CDH18: variants seen among roughly 807,000 people sequenced by gnomAD.
CDH18 encodes the protein cadherin-18.
A neutral mutation model predicts 67.9 loss-of-function variants in CDH18; 31 were observed. The ratio of observed to expected loss-of-function variants is 0.46; its 90% CI spans 0.34 to 0.62. The LOEUF (loss-of-function observed/expected upper bound fraction) is 0.62. CDH18 is among the 20% of genes least tolerant of loss of function. CDH18 has a pLI of 0.01. For missense variants in CDH18, 890 were observed against 975.5 expected (o/e 0.91, Z 1.17); for synonymous variants, 362 against 347.2 (o/e 1.04, Z -0.48).
At chr5:20,423,946 CAA>C (rs553723574) in intron 1 of CDH18, among the ~76,000 whole-genome samples, 19 of 63,820 alleles carry the variant, frequency 3.0e-4, no homozygotes, top group African/African-American at 1.4e-3. Flanking sequence ...GACTCCGTCT[CAA>C]AAAAAAAAAA....
chr5:19,983,137 C>T (rs1042982421), intron 1 of CDH18, among the ~76,000 whole-genome samples: 6 of 151,888 alleles, frequency 4.0e-5, no homozygotes, highest in Admixed American at 2.0e-4. Flanking sequence ...AAATGGCACC[C>T]TATCTCATTT....
intron 1 of CDH18, among the ~76,000 whole-genome samples, chr5:20,292,538 C>T (rs1747179369): frequency 6.6e-6 from 1 of 152,064 alleles, no homozygotes; most frequent in East Asian, 1.9e-4. Flanking sequence ...TATTAGCTGC[C>T]ATAAAACAAG....
intron 2 of CDH18, among the ~76,000 whole-genome samples, chr5:20,055,454 T>A (rs572650029): frequency 1.1e-4 from 16 of 152,352 alleles, no homozygotes; most frequent in Admixed American, 4.6e-4. Flanking sequence ...AAGGATGTTT[T>A]TTGCCAATAG....
At chr5:20,304,151 A>T in intron 1 of CDH18, 1 of 1,567,076 alleles carries the variant, frequency 6.4e-7, no homozygotes, top group Non-Finnish European at 8.8e-7. Context: ...CTTCTCGTCA[A>T]TTGGTGGATT....
intron 2 of CDH18, among the ~76,000 whole-genome samples, chr5:20,106,068 C>T (rs191371062): frequency 2.7e-4 from 41 of 152,112 alleles, no homozygotes; most frequent in African/African-American, 9.9e-4. Flanking sequence ...CATTGTATTC[C>T]TTTGCTTCCA....
intron 1 of CDH18, among the ~76,000 whole-genome samples, chr5:20,471,083 A>AAACTT (rs201690922): frequency 6.9e-6 from 1 of 144,762 alleles, no homozygotes; most frequent in African/African-American, 2.8e-5. Flanking sequence ...TATCTCTCTT[A>AAACTT]AACTTAAAGT....
chr5:20,203,877 G>A (rs528077535), intron 2 of CDH18, among the ~76,000 whole-genome samples: 1 of 151,932 alleles, frequency 6.6e-6, no homozygotes. Context: ...AATCACAGTA[G>A]ACAAGAGTGG....
At chr5:19,969,349 T>C (rs1179343316) in intron 2 of CDH18, among the ~76,000 whole-genome samples, 2 of 147,054 alleles carry the variant, frequency 1.4e-5, no homozygotes, top group Admixed American at 6.6e-5. Flanking sequence ...ACTGGTTATA[T>C]ACCCAAAGGA....
At chr5:20,315,708 T>C (rs530642813) in intron 1 of CDH18, among the ~76,000 whole-genome samples, 12 of 152,162 alleles carry the variant, frequency 7.9e-5, no homozygotes, top group Non-Finnish European at 1.6e-4. Context: ...ACTCATCCTC[T>C]AGATCTGTAT....
At chr5:20,435,623 C>T (rs1337520245) in intron 1 of CDH18, among the ~76,000 whole-genome samples, 2 of 151,926 alleles carry the variant, frequency 1.3e-5, no homozygotes, top group East Asian at 1.9e-4. Flanking sequence ...TGGAAAATCT[C>T]GGTGTAACAA....
intron 3 of CDH18, among the ~76,000 whole-genome samples, chr5:19,783,260 C>A (rs1775336738): frequency 6.6e-6 from 1 of 152,074 alleles, no homozygotes; most frequent in Admixed American, 6.6e-5. Flanking sequence ...CTTTTCACAT[C>A]CCAGTTCCAC....
intron 1 of CDH18, among the ~76,000 whole-genome samples, chr5:20,514,426 G>T (rs1356896482): frequency 6.6e-6 from 1 of 152,098 alleles, no homozygotes; most frequent in African/African-American, 2.4e-5. Context: ...CCAATGTCAA[G>T]CTTGGTCGTC....
chr5:19,580,601 ACTT>A (rs1743085918), intron 7 of CDH18, among the ~76,000 whole-genome samples: 1 of 151,892 alleles, frequency 6.6e-6, no homozygotes, highest in Non-Finnish European at 1.5e-5. Context: ...GAAATATAAT[ACTT>A]AACACCGACC....
rs1385883691 is a variant in CDH18 at position 19,994,736 on chromosome 5, TATAGAGAG to T, written c.-517-2730_-517-2723del. Reference sequence around the variant, plus strand: ...ATATATATATATATATATATATATATATAGAGAGAGAGAGAGAGAGAGAGAGAGAGAGA... The same window carrying T: ...ATATATATATATATATATATATATATAGAGAGAGAGAGAGAGAGAGAGAGA... On this transcript the variant is annotated intron_variant, in intron 2 of 14. Transcript: ENST00000507958. Among the ~76,000 whole-genome samples the T allele has an allele frequency of 3.0e-3, 27 of 8,950 alleles. 2 individuals carry two copies. The highest frequency in any genetic ancestry group is 3.7e-3 in the Non-Finnish European group (20 of 5,416). 5.9% of individuals were successfully genotyped at this position (8,950 alleles called of 152,430 possible).
intron 2 of CDH18, among the ~76,000 whole-genome samples, chr5:20,130,272 T>G (rs1240079654): frequency 6.6e-6 from 1 of 151,722 alleles, no homozygotes; most frequent in East Asian, 1.9e-4. Flanking sequence ...TTTAAGGAAC[T>G]TGCTTATGTG....
intron 1 of CDH18, among the ~76,000 whole-genome samples, chr5:20,519,356 A>C (rs575764911): frequency 6.6e-6 from 1 of 152,256 alleles, no homozygotes; most frequent in African/African-American, 2.4e-5. Flanking sequence ...CATTCTCAGC[A>C]AACTATCGCA....
Position 19,472,184 on chromosome 5 carries a change from T to C in CDH18, c.*1042A>G, listed in dbSNP as rs769714462. Among the ~76,000 whole-genome samples the C allele has an allele frequency of 1.3e-5, 2 of 152,172 alleles. No individual in the cohort carries two copies. Among genetic ancestry groups the C allele is most frequent in the Non-Finnish European group, 2.9e-5 (2 of 68,036 alleles). ...TATGATTCTATGACATTTACGTTCATTGGAGGATAGTCTTTCAGACTACAT... is the reference window on the plus strand; with the variant it reads ...TATGATTCTATGACATTTACGTTCACTGGAGGATAGTCTTTCAGACTACAT... On this transcript the variant is annotated 3_prime_UTR_variant, in exon 13 of 13. Transcript: ENST00000382275.
intron 1 of CDH18, among the ~76,000 whole-genome samples, chr5:20,517,807 T>C (rs757827285): frequency 6.6e-6 from 1 of 152,058 alleles, no homozygotes; most frequent in Non-Finnish European, 1.5e-5. Flanking sequence ...CCATGTAGAC[T>C]TCAAATATAG....
intron 10 of CDH18, among the ~76,000 whole-genome samples, chr5:19,520,016 G>A (rs1746635975): frequency 2.0e-5 from 3 of 152,116 alleles, no homozygotes; most frequent in South Asian, 4.1e-4. Flanking sequence ...TTAAGTTGCG[G>A]ATTTTGTATA....
Sources: gnomAD v4.1 joint callset for allele counts (sites outside exome capture counted in the v4.1 genomes callset) on GRCh38, gnomAD v4.1.1 for gene constraint, MANE v1.5 for transcripts, NCBI Gene and HGNC (gene_info 2026-07-23, HGNC 2026-07-21) for gene names.